The following PRKDC variants were observed in gnomAD, a reference collection of about 807,000 sequenced individuals.
PRKDC encodes the protein DNA-dependent protein kinase catalytic subunit.
Under a neutral mutation model 486.9 loss-of-function variants are expected in PRKDC, and 82 were observed. That is an observed-to-expected ratio of 0.17 (90% confidence interval 0.14 to 0.20). The LOEUF (loss-of-function observed/expected upper bound fraction) is 0.20, where lower values mean the gene tolerates loss of function less well. PRKDC is among the 10% of genes least tolerant of loss of function. The probability of loss-of-function intolerance (pLI) is 1.00; values close to 1 mark genes in which losing one functional copy is unlikely to be tolerated. For synonymous variants in PRKDC, 1,895 were observed against 1,837.0 expected (o/e 1.03, Z -0.81); for missense variants, 4,504 against 5,038.2 (o/e 0.89, Z 3.21).
At chr8:47,912,262 C>G (rs2089916912) in intron 25 of PRKDC, 148 bp downstream of exon 25, 1 of 834,302 alleles carries the variant, frequency 1.2e-6, no homozygotes, top group Admixed American at 3.8e-5. Context: ...ATGCCCATGA[C>G]CAATTAAACC....
intron 51 of PRKDC, 82 bp from the exon 52 acceptor site, chr8:47,852,866 A>G: frequency 1.1e-6 from 1 of 932,086 alleles, no homozygotes; most frequent in Non-Finnish European, 1.6e-6. Flanking sequence ...TTTCCTTCTC[A>G]TGTCATATTG....
chr8:47,805,141 G>C (rs942077338), intron 69 of PRKDC: 1 of 151,998 alleles, frequency 6.6e-6, no homozygotes, highest in African/African-American at 2.4e-5. Context: ...AAATGTTTGT[G>C]ATCAATTAGT....
At chr8:47,896,962 CAG>C (rs2089593189) in intron 30 of PRKDC, among the ~76,000 whole-genome samples, 197 bp downstream of exon 30, 1 of 152,216 alleles carries the variant, frequency 6.6e-6, no homozygotes, top group Non-Finnish European at 1.5e-5. Context: ...TGAGATCATT[CAG>C]ACTTAGGATG....
At chr8:47,925,656 G>C (rs551747647) in intron 21 of PRKDC, among the ~76,000 whole-genome samples, 1 of 152,154 alleles carries the variant, frequency 6.6e-6, no homozygotes, top group African/African-American at 2.4e-5. Flanking sequence ...CTGTAGTTAC[G>C]TAAAAGAATG....
chr8:47,850,251 G>C (rs1269802177), intron 52 of PRKDC, among the ~76,000 whole-genome samples: 1 of 152,176 alleles, frequency 6.6e-6, no homozygotes, highest in African/African-American at 2.4e-5. Context: ...AAGAGGGGTA[G>C]GCAACGTTTC....
intron 64 of PRKDC, among the ~76,000 whole-genome samples, chr8:47,823,005 G>T (rs986065474): frequency 6.6e-6 from 1 of 152,056 alleles, no homozygotes; most frequent in Admixed American, 6.6e-5. Flanking sequence ...CAGAGGTGGG[G>T]CCTGGTGAGA....
chr8:47,907,378 T>A (rs2089805158), intron 25 of PRKDC, among the ~76,000 whole-genome samples: 1 of 148,926 alleles, frequency 6.7e-6, no homozygotes, highest in East Asian at 2.0e-4. Flanking sequence ...ATAAGTTTTT[T>A]AATACATGTA....
chr8:47,919,163 C>A (rs543973160), intron 21 of PRKDC, among the ~76,000 whole-genome samples: 3 of 152,154 alleles, frequency 2.0e-5, no homozygotes, highest in Admixed American at 6.5e-5. Flanking sequence ...AGCACCACTC[C>A]GAGTTCAGCA....
At chr8:47,802,012 C>G (rs2087118169) in intron 70 of PRKDC, among the ~76,000 whole-genome samples, 1 of 152,190 alleles carries the variant, frequency 6.6e-6, no homozygotes, top group Non-Finnish European at 1.5e-5. Context: ...TCCTCCTCTT[C>G]CCCTCAAAAA....
chr8:47,906,904 A>G (rs905316045), intron 25 of PRKDC, among the ~76,000 whole-genome samples: 8 of 151,416 alleles, frequency 5.3e-5, no homozygotes, highest in South Asian at 2.1e-4. Context: ...CTTTGAAGCT[A>G]TTTTTTTCCC....
chr8:47,808,710 A>G (rs539792190), intron 68 of PRKDC, among the ~76,000 whole-genome samples: 1 of 152,212 alleles, frequency 6.6e-6, no homozygotes, highest in South Asian at 2.1e-4. Flanking sequence ...TTCTATTAAT[A>G]TTAGTAACAC....
intron 1 of PRKDC, among the ~76,000 whole-genome samples, chr8:47,958,753 T>TTG (rs2090756327): frequency 6.6e-6 from 1 of 150,722 alleles, no homozygotes; most frequent in African/African-American, 2.4e-5. Context: ...TTTTTTTTTT[T>TTG]GGGACGGAGT....
chr8:47,933,245 C>A (rs781704764), intron 15 of PRKDC, 73 bp from the exon 16 acceptor site: 48 of 1,216,638 alleles, frequency 3.9e-5, no homozygotes, highest in Non-Finnish European at 5.3e-5. Flanking sequence ...AGCATTAAGA[C>A]ACATACACAG....
At chr8:47,785,345 G>C in intron 76 of PRKDC, 28 bp from the exon 77 acceptor site, 1 of 1,508,238 alleles carries the variant, frequency 6.6e-7, no homozygotes, top group Non-Finnish European at 9.0e-7. Context: ...TTACTATAAA[G>C]ACTGATGTTT....
At chr8:47,909,945 T>G (rs2089864710) in intron 25 of PRKDC, among the ~76,000 whole-genome samples, 1 of 152,166 alleles carries the variant, frequency 6.6e-6, no homozygotes, top group Non-Finnish European at 1.5e-5. Context: ...GTAATTCTAA[T>G]TTTGCCTTGC....
chr8:47,794,233 C>T (rs1377526721), intron 74 of PRKDC, 57 bp downstream of exon 74: 4 of 1,426,456 alleles, frequency 2.8e-6, no homozygotes, highest in African/African-American at 1.4e-5. Context: ...GTGCTTTAAC[C>T]ACATTTTTAT....
At chr8:47,892,112 T>A (rs1438066225) in intron 31 of PRKDC, among the ~76,000 whole-genome samples, 1 of 152,168 alleles carries the variant, frequency 6.6e-6, no homozygotes, top group Non-Finnish European at 1.5e-5. Context: ...TCAGGTGATG[T>A]GCCCATCTCG....
chr8:47,927,294 T>C lies in PRKDC; in HGVS notation c.2319A>G (p.Leu773=), dbSNP rs1417233642. The change falls in exon 21 of 86, where the codon CTA becomes CTG. Residue 773 remains leucine (L), a synonymous_variant. Coordinates refer to ENST00000314191, the MANE Select transcript of PRKDC (RefSeq NM_006904.7). ...TPLAEVGLNA[L]EEWSIYIDRH... ...TGTCAATATAAATTGACCATTCTTCTAGAGCATTCAGGCCTACTTCTGCCA... is the reference window on the plus strand; with the variant it reads ...TGTCAATATAAATTGACCATTCTTCCAGAGCATTCAGGCCTACTTCTGCCA... The C allele has an allele frequency of 4.3e-6, 7 of 1,613,810 alleles. No individual in the cohort carries two copies. The East Asian group carries it at 6.7e-5, about 15-fold the overall frequency.
chr8:47,777,510 C>A (rs1212721517), intron 84 of PRKDC, among the ~76,000 whole-genome samples, 176 bp downstream of exon 84: 1 of 152,132 alleles, frequency 6.6e-6, no homozygotes, highest in Non-Finnish European at 1.5e-5. Flanking sequence ...GGCCCAGCCT[C>A]TTAACTGGTT....
Sources: gnomAD v4.1 joint callset for allele counts (sites outside exome capture counted in the v4.1 genomes callset) on GRCh38, gnomAD v4.1.1 for gene constraint, MANE v1.5 for transcripts, NCBI Gene and HGNC (gene_info 2026-07-23, HGNC 2026-07-21) for gene names.